TMEM132D: variants seen among roughly 807,000 people sequenced by gnomAD.
TMEM132D encodes the protein transmembrane protein 132D, also known as mature OL transmembrane protein.
Under a neutral mutation model 62.3 loss-of-function variants are expected in TMEM132D, and 21 were observed. The observed-to-expected ratio is 0.34, with a 90% CI of 0.24 to 0.49. The LOEUF (loss-of-function observed/expected upper bound fraction) is 0.49, where lower values mean the gene tolerates loss of function less well. Ranked by LOEUF, TMEM132D falls within the 20% of genes least tolerant of loss-of-function variation. The probability of loss-of-function intolerance (pLI) is 0.99; values close to 1 mark genes in which losing one functional copy is unlikely to be tolerated. For synonymous variants in TMEM132D, 621 were observed against 575.6 expected (o/e 1.08, Z -1.13); for missense variants, 1,346 against 1,402.8 (o/e 0.96, Z 0.65).
At chr12:129,274,887 A>T (rs1880962918) in intron 4 of TMEM132D, among the ~76,000 whole-genome samples, 1 of 152,036 alleles carries the variant, frequency 6.6e-6, no homozygotes, top group South Asian at 2.1e-4. Context: ...ACTCCGTCTC[A>T]AAAACAAAAA....
chr12:129,451,598 A>G (rs982326342), intron 3 of TMEM132D, among the ~76,000 whole-genome samples: 3 of 152,244 alleles, frequency 2.0e-5, no homozygotes, highest in Non-Finnish European at 4.4e-5. Flanking sequence ...AATTTGAATA[A>G]TAAAGCAGAG....
intron 3 of TMEM132D, among the ~76,000 whole-genome samples, chr12:129,439,680 C>T (rs1417634189): frequency 2.0e-5 from 3 of 152,184 alleles, no homozygotes; most frequent in Non-Finnish European, 2.9e-5. Context: ...AACTGCTGAC[C>T]TCAAGTGATC....
intron 3 of TMEM132D, among the ~76,000 whole-genome samples, chr12:129,519,509 G>T (rs1875785325): frequency 6.6e-6 from 1 of 151,900 alleles, no homozygotes; most frequent in Non-Finnish European, 1.5e-5. Context: ...GGATTCCTAA[G>T]AATTTTATTT....
At chr12:129,755,476 G>A (rs1272872330) in intron 1 of TMEM132D, among the ~76,000 whole-genome samples, 1 of 152,146 alleles carries the variant, frequency 6.6e-6, no homozygotes, top group Non-Finnish European at 1.5e-5. Flanking sequence ...GACTATCAGA[G>A]GTGATCTGGG....
At chr12:129,716,270 C>T (rs1868569888) in intron 1 of TMEM132D, among the ~76,000 whole-genome samples, 1 of 152,136 alleles carries the variant, frequency 6.6e-6, no homozygotes, top group Non-Finnish European at 1.5e-5. Flanking sequence ...CTCCTGTATG[C>T]AAGGGAGTCC....
chr12:129,774,044 T>C (rs1243680892), intron 1 of TMEM132D, among the ~76,000 whole-genome samples: 4 of 152,164 alleles, frequency 2.6e-5, no homozygotes, highest in Non-Finnish European at 5.9e-5. Context: ...GTGGAAACCA[T>C]GGTGAACCAA....
intron 1 of TMEM132D, among the ~76,000 whole-genome samples, chr12:129,855,117 T>TGGGTGTAACAGAGTCC (rs1566009815): frequency 8.0e-6 from 1 of 125,280 alleles, no homozygotes; most frequent in African/African-American, 3.1e-5. Context: ...GGGAACGGGA[T>TGGGTGTAACAGAGTCC]GGCTGCCCTT....
chr12:129,691,701 A>G (rs572209600), intron 2 of TMEM132D, among the ~76,000 whole-genome samples: 2 of 152,246 alleles, frequency 1.3e-5, no homozygotes, highest in South Asian at 4.1e-4. Flanking sequence ...GTATTCATAA[A>G]CCATAATATC....
intron 4 of TMEM132D, among the ~76,000 whole-genome samples, chr12:129,295,453 A>T (rs1881551519): frequency 7.3e-6 from 1 of 136,928 alleles, no homozygotes; most frequent in Non-Finnish European, 1.5e-5. Context: ...TTTTTGAGAC[A>T]GTATCTCGTC....
intron 3 of TMEM132D, among the ~76,000 whole-genome samples, chr12:129,407,682 G>A (rs1209184396): frequency 3.3e-5 from 5 of 151,806 alleles, no homozygotes; most frequent in South Asian, 2.1e-4. Flanking sequence ...CGAGGCAGGC[G>A]GATCATGAGG....
intron 2 of TMEM132D, among the ~76,000 whole-genome samples, chr12:129,682,093 TTTC>T (rs2137209093): frequency 6.6e-6 from 1 of 152,334 alleles, no homozygotes; most frequent in African/African-American, 2.4e-5. Context: ...CCTCTTTTTG[TTTC>T]TTCTTTATAG....
At chr12:129,475,732 G>A (rs1186793513) in intron 3 of TMEM132D, among the ~76,000 whole-genome samples, 1 of 152,206 alleles carries the variant, frequency 6.6e-6, no homozygotes, top group Non-Finnish European at 1.5e-5. Context: ...ATCCCACTCT[G>A]CAGGCGTCCA....
chr12:129,454,561 G>A (rs906581282), intron 3 of TMEM132D, among the ~76,000 whole-genome samples: 3 of 152,214 alleles, frequency 2.0e-5, no homozygotes, highest in African/African-American at 7.2e-5. Flanking sequence ...TTACAGGCAA[G>A]TGGACAATAT....
At chr12:129,474,997 T>A (rs1874216468) in intron 3 of TMEM132D, among the ~76,000 whole-genome samples, 1 of 152,202 alleles carries the variant, frequency 6.6e-6, no homozygotes, top group African/African-American at 2.4e-5. Context: ...GATGGCCTGC[T>A]AGATGCAGAG....
intron 3 of TMEM132D, among the ~76,000 whole-genome samples, chr12:129,452,999 C>T (rs1002929375): frequency 6.6e-6 from 1 of 152,180 alleles, no homozygotes; most frequent in African/African-American, 2.4e-5. Flanking sequence ...AGGTGAGTGG[C>T]AGGCGAGCGA....
chr12:129,465,181 C>T (rs1028685613), intron 3 of TMEM132D, among the ~76,000 whole-genome samples: 3 of 152,120 alleles, frequency 2.0e-5, no homozygotes, highest in Admixed American at 2.0e-4. Context: ...TGAAGAGGCC[C>T]TTCACGTCCC....
At chr12:129,271,175 TG>T (rs1880843251) in intron 4 of TMEM132D, among the ~76,000 whole-genome samples, 1 of 152,202 alleles carries the variant, frequency 6.6e-6, no homozygotes, top group Admixed American at 6.5e-5. Context: ...TTGCTGGGAC[TG>T]ACTGATGGGG....
intron 5 of TMEM132D, among the ~76,000 whole-genome samples, chr12:129,155,476 T>C (rs1313412026): frequency 6.6e-6 from 1 of 152,254 alleles, no homozygotes; most frequent in Non-Finnish European, 1.5e-5. Flanking sequence ...CAGAGAGTCA[T>C]TATCATTCTT....
At chr12:129,134,345 T>C (rs1876491395) in intron 5 of TMEM132D, among the ~76,000 whole-genome samples, 1 of 152,204 alleles carries the variant, frequency 6.6e-6, no homozygotes. Flanking sequence ...TATGTTTGTT[T>C]TCTTTAAGGA....
Sources: gnomAD v4.1 joint callset for allele counts (sites outside exome capture counted in the v4.1 genomes callset) on GRCh38, gnomAD v4.1.1 for gene constraint, MANE v1.5 for transcripts, NCBI Gene and HGNC (gene_info 2026-07-23, HGNC 2026-07-21) for gene names.